Variants in CCT6B observed in about 807,000 individuals in gnomAD.
CCT6B encodes probable T-complex protein 1 subunit zeta-2.
A neutral mutation model predicts 61.5 loss-of-function variants in CCT6B; 49 were observed. The observed-to-expected ratio is 0.80, with a 90% CI of 0.63 to 1.01. The LOEUF is 1.01. Among genes scored for constraint, CCT6B ranks in the 50% least tolerant of loss-of-function variants. CCT6B has a pLI of 0.00. For synonymous variants in CCT6B, 228 were observed against 214.5 expected, an observed-to-expected ratio of 1.06 and a Z score of -0.55; for missense variants, 666 against 634.7, an observed-to-expected ratio of 1.05 and a Z score of -0.53.
At chr17:34,955,435 T>C (rs996691697) in intron 3 of CCT6B, among the ~76,000 whole-genome samples, 1 of 152,130 alleles carries the variant, frequency 6.6e-6, no homozygotes, top group Non-Finnish European at 1.5e-5. Flanking sequence ...AGATCATGTC[T>C]GCAACATACA....
intron 3 of CCT6B, among the ~76,000 whole-genome samples, chr17:34,957,465 A>G (rs2090361733): frequency 6.6e-6 from 1 of 152,002 alleles, no homozygotes; most frequent in African/African-American, 2.4e-5. Flanking sequence ...AGATGGAAAT[A>G]CTCTTAGGAT....
At chr17:34,950,377 G>GA (rs2090276881) in intron 5 of CCT6B, among the ~76,000 whole-genome samples, 1 of 152,200 alleles carries the variant, frequency 6.6e-6, no homozygotes, top group African/African-American at 2.4e-5. Context: ...ACTGTGAAAT[G>GA]AAAACAAACC....
At chr17:34,961,172 G>A (rs1438873597) in intron 1 of CCT6B, 85 bp downstream of exon 1, 14 of 1,474,704 alleles carry the variant, frequency 9.5e-6, no homozygotes, top group South Asian at 7.9e-5. Context: ...AACATCCACA[G>A]CGCTACGCGG....
chr17:34,953,103 G>A (rs2090310423), intron 4 of CCT6B, among the ~76,000 whole-genome samples: 1 of 151,880 alleles, frequency 6.6e-6, no homozygotes, highest in Non-Finnish European at 1.5e-5. Context: ...AGTACATTTG[G>A]CATTTGTAGT....
At chr17:34,928,164 T>C in intron 13 of CCT6B, 47 bp from the exon 14 acceptor site, 1 of 1,293,158 alleles carries the variant, frequency 7.7e-7, no homozygotes, top group Non-Finnish European at 1.1e-6. Context: ...AACCCACTCT[T>C]AGCTTTTTTC....
chr17:34,937,825 T>C (rs1275326474), intron 10 of CCT6B, among the ~76,000 whole-genome samples: 1 of 151,852 alleles, frequency 6.6e-6, no homozygotes, highest in East Asian at 1.9e-4. Flanking sequence ...ACCCAAATTA[T>C]ATACAAAGAA....
chr17:34,928,095 G>C lies in CCT6B; in HGVS notation c.1546C>G (p.Leu516Val). 2 of 1,612,016 alleles carry C rather than the reference G, an allele frequency of 1.2e-6. No individual in the cohort carries two copies. Among genetic ancestry groups the C allele is most frequent in the Non-Finnish European group, 1.7e-6 (2 of 1,178,924 alleles). ...GCTCGCATAATTTCATCAACCAGGA[G>C]AATGTTGGTGGCAATCACTGTGCTA... ...HSCTVIATNILLVDEIMRAGM... is the reference protein window; with the variant it reads ...HSCTVIATNIVLVDEIMRAGM... The change falls in exon 14 of 14, where the codon CTC (leucine) becomes GTC (valine). Residue 516 changes from leucine to valine, a missense_variant. Transcript: ENST00000314144.
At chr17:34,947,135 G>T (rs1304659895) in intron 5 of CCT6B, among the ~76,000 whole-genome samples, 1 of 152,094 alleles carries the variant, frequency 6.6e-6, no homozygotes, top group Non-Finnish European at 1.5e-5. Context: ...AAATTATCCA[G>T]AATGCAACAC....
chr17:34,927,919 T>C lies in CCT6B; in HGVS notation c.*129A>G. On this transcript the variant is annotated 3_prime_UTR_variant, in exon 14 of 14. Transcript: ENST00000314144. ...CCTTGATGAAATATTTTTGAGACTA[T>C]TAAGACCCAAAAGACATAAACTGCA... The C allele has an allele frequency of 8.9e-6, 5 of 562,122 alleles. No individual in the cohort carries two copies. The allele number at this position is 562,122 out of a possible 1,614,324, so 34.8% of individuals were successfully genotyped here. A position where few individuals can be genotyped will look rare whatever the true frequency, so the allele number is the denominator to read the frequency against.
chr17:34,955,785 C>T (rs554698880), intron 3 of CCT6B, among the ~76,000 whole-genome samples: 9 of 152,150 alleles, frequency 5.9e-5, no homozygotes, highest in Admixed American at 5.2e-4. Context: ...ATTCTCTAGC[C>T]ACATCATGAA....
intron 3 of CCT6B, among the ~76,000 whole-genome samples, chr17:34,955,933 G>C (rs2090342853): frequency 6.6e-6 from 1 of 152,080 alleles, no homozygotes; most frequent in South Asian, 2.1e-4. Context: ...CCTGACTTTA[G>C]AGCCTATGTT....
At chr17:34,953,265 G>T (rs1366975145) in intron 4 of CCT6B, among the ~76,000 whole-genome samples, 1 of 150,242 alleles carries the variant, frequency 6.7e-6, no homozygotes, top group Non-Finnish European at 1.5e-5. Context: ...TCAAATCATT[G>T]CCACCTGATA....
intron 10 of CCT6B, among the ~76,000 whole-genome samples, chr17:34,935,924 C>CGT (rs113723835): frequency 0.06 from 8,936 of 147,746 alleles, 379 homozygotes; most frequent in African/African-American, 0.12. Context: ...CATTTATTCT[C>CGT]GTGTGTGTGT....
chr17:34,949,450 A>G (rs2090265417), intron 5 of CCT6B: 1 of 148,772 alleles, frequency 6.7e-6, no homozygotes, highest in Non-Finnish European at 1.5e-5. Flanking sequence ...ACAAGAGAGA[A>G]ACACCATCTC....
chr17:34,952,220 C>CTATTAGAGT (rs2090299903), intron 4 of CCT6B, among the ~76,000 whole-genome samples, 167 bp from the exon 5 acceptor site: 1 of 152,154 alleles, frequency 6.6e-6, no homozygotes, highest in Non-Finnish European at 1.5e-5. Context: ...ATAGCCAATG[C>CTATTAGAGT]CAACAGACAC....
chr17:34,938,137 A>T (rs1293064354), intron 10 of CCT6B, among the ~76,000 whole-genome samples: 1 of 152,006 alleles, frequency 6.6e-6, no homozygotes, highest in Non-Finnish European at 1.5e-5. Flanking sequence ...CAATCCTCCC[A>T]TCTTGGCCTC....
At chr17:34,957,897 A>G (rs1194740190) in intron 3 of CCT6B, among the ~76,000 whole-genome samples, 1 of 152,178 alleles carries the variant, frequency 6.6e-6, no homozygotes, top group East Asian at 1.9e-4. Context: ...AAGGAAGGTA[A>G]ATTCACAATA....
chr17:34,952,056 G>A lies in CCT6B; in HGVS notation c.511-3C>T. 1 of 1,567,848 alleles carries A rather than the reference G, an allele frequency of 6.4e-7. No homozygotes were observed. The highest frequency in any genetic ancestry group is 8.8e-7 in the Non-Finnish European group (1 of 1,139,512). Reference sequence around the variant, plus strand: ...GCCAAAACAGAATCCACCACAACCTGAAAGAGAAATGAATGAGAACAGTTA... The same window carrying A: ...GCCAAAACAGAATCCACCACAACCTAAAAGAGAAATGAATGAGAACAGTTA... On this transcript the variant is annotated splice_region_variant and splice_polypyrimidine_tract_variant and intron_variant, in intron 4 of 13. Coordinates refer to ENST00000314144, the MANE Select transcript of CCT6B (RefSeq NM_006584.4).
chr17:34,939,458 CTGAA>C (rs1447390903), intron 9 of CCT6B, 128 bp from the exon 10 acceptor site: 1 of 868,240 alleles, frequency 1.2e-6, no homozygotes, highest in African/African-American at 1.7e-5. Context: ...TAAGTTATAT[CTGAA>C]CTCTTAACAA....
Sources: allele counts gnomAD v4.1 joint callset (sites outside exome capture counted in the v4.1 genomes callset), GRCh38; gene constraint gnomAD v4.1.1; transcripts MANE v1.5; gene names NCBI Gene and HGNC (gene_info 2026-07-23, HGNC 2026-07-21).